Variants in MAP3K4 observed in about 807,000 individuals in gnomAD.
MAP3K4 encodes the protein MAP three kinase 1.
In MAP3K4, 67 loss-of-function variants were observed where a neutral mutation model predicts 185.6. That is an observed-to-expected ratio of 0.36 (90% CI 0.30 to 0.44). The LOEUF (loss-of-function observed/expected upper bound fraction) is 0.44, where lower values mean the gene tolerates loss of function less well. Ranked by LOEUF, MAP3K4 falls within the 20% of genes least tolerant of loss-of-function variation. The pLI, the probability that MAP3K4 is intolerant of heterozygous loss-of-function variation, is 1.00. For missense variants in MAP3K4, 1,551 were observed against 1,995.1 expected (o/e 0.78, Z 4.24); for synonymous variants, 702 against 710.4 (o/e 0.99, Z 0.19).
chr6:161,060,108 T>C (rs1228096063), intron 3 of MAP3K4, among the ~76,000 whole-genome samples: 1 of 152,216 alleles, frequency 6.6e-6, no homozygotes, highest in Non-Finnish European at 1.5e-5. Context: ...GAACATTGCC[T>C]AGATTCCTTA....
rs545695122 is a variant in MAP3K4, at chr6:161,037,576, GC to G, written c.343+3130del. Among the ~76,000 whole-genome samples, 59 of 152,156 alleles carry G rather than the reference GC, an allele frequency of 3.9e-4. 1 individual carries two copies. The highest frequency in any genetic ancestry group is 1.4e-3 in the Admixed American group (22 of 15,290). ...TAGGACTACAGGCATGCGCCACCAT[GC>G]CCGACTAATTTTGTATTTTTGGTAG... On this transcript the variant is annotated intron_variant, in intron 2 of 26. Coordinates refer to ENST00000392142, the MANE Select transcript of MAP3K4 (RefSeq NM_005922.4). This position sits in a 1 kb window ranked among gnomAD's most constrained non-coding sequence, Gnocchi z 4.2.
rs1244916152 is a variant in MAP3K4 at position 161,106,834 on chromosome 6, CTTTTTGCAAAGTGGTCTGGA to C, written c.4048+135_4048+154del. 4 of 645,012 alleles carry C rather than the reference CTTTTTGCAAAGTGGTCTGGA, an allele frequency of 6.2e-6. No individual in the cohort carries two copies. Among genetic ancestry groups the C allele is most frequent in the Non-Finnish European group, 9.4e-6 (4 of 424,788 alleles). 40.0% of individuals were successfully genotyped at this position (645,012 alleles called of 1,614,324 possible). A position where few individuals can be genotyped will look rare whatever the true frequency, so the allele number is the denominator to read the frequency against. On this transcript the variant is annotated intron_variant, in intron 20 of 26. Coordinates refer to ENST00000392142, the MANE Select transcript of MAP3K4 (RefSeq NM_005922.4). This position sits in a 1 kb window ranked among gnomAD's most constrained non-coding sequence, Gnocchi z 4.9. Reference sequence around the variant, plus strand: ...AGACATAGCAAGTATGCATTGTTATCTTTTTGCAAAGTGGTCTGGATTTTTTTTGGTTGTTTAATTTGTAA... The same window carrying C: ...AGACATAGCAAGTATGCATTGTTATCTTTTTTTTGGTTGTTTAATTTGTAA...
In MAP3K4 at chr6:161,064,589, G is replaced by T. The variant is rs186046415; in HGVS notation, c.1708-6019G>T. Among the ~76,000 whole-genome samples the T allele has an allele frequency of 7.9e-5, 12 of 152,114 alleles. No homozygotes were observed. Among genetic ancestry groups the T allele is most frequent in the Admixed American group, 7.9e-4 (12 of 15,286 alleles). On this transcript the variant is annotated intron_variant, in intron 3 of 26. Transcript: ENST00000392142. This position sits in a 1 kb window ranked among gnomAD's most constrained non-coding sequence, Gnocchi z 4.3. ...GTTTGGTATCTTGTAGGACAGTGTT[G>T]CCCATTGTTTCTTTTCAGAAGTTTC...
At chr6:161,033,944 C>T (rs1783042209) in intron 1 of MAP3K4, among the ~76,000 whole-genome samples, 1 of 152,112 alleles carries the variant, frequency 6.6e-6, no homozygotes, top group Admixed American at 6.6e-5. Flanking sequence ...TTCCTTAAGG[C>T]GTAAGTTTTT....
intron 1 of MAP3K4, among the ~76,000 whole-genome samples, chr6:161,004,959 A>G (rs1314593357): frequency 6.6e-6 from 1 of 152,180 alleles, no homozygotes; most frequent in Non-Finnish European, 1.5e-5. Flanking sequence ...ACACGATTTT[A>G]GTTTTGTATC....
In MAP3K4 at chr6:161,103,382, G is replaced by C. The variant is rs928338222; in HGVS notation, c.3856+603G>C. On this transcript the variant is annotated intron_variant, in intron 19 of 26. Coordinates refer to ENST00000392142, the MANE Select transcript of MAP3K4 (RefSeq NM_005922.4). The surrounding 1 kb of genome is among the most constrained non-coding windows in gnomAD (Gnocchi z 4.6). ...CCATGGCAGCTTCCCTTTGAACTTTGTGTGACTGACCAGAAGAGTATTTGT... is the reference window on the plus strand; with the variant it reads ...CCATGGCAGCTTCCCTTTGAACTTTCTGTGACTGACCAGAAGAGTATTTGT... 7.9e-5 allele frequency among the ~76,000 whole-genome samples: 12 copies of C among 152,214 alleles called. No individual in the cohort carries two copies. Among genetic ancestry groups the C allele is most frequent in the African/African-American group, 2.2e-4 (9 of 41,462 alleles).
chr6:161,015,812 G>A (rs983688814), intron 1 of MAP3K4, among the ~76,000 whole-genome samples: 23 of 151,984 alleles, frequency 1.5e-4, no homozygotes, highest in Non-Finnish European at 3.1e-4. Context: ...ATTCATCAGG[G>A]GTCTGCCTCC....
chr6:161,108,486 G>A lies in MAP3K4; in HGVS notation c.4120-257G>A, dbSNP rs528283632. Among the ~76,000 whole-genome samples the A allele has an allele frequency of 2.0e-5, 3 of 152,184 alleles. No homozygotes were observed. The highest frequency in any genetic ancestry group is 2.1e-4 in the South Asian group (1 of 4,816). The stretch of plus-strand genomic sequence containing the variant: ...CGTCTTGCACTTGCCGTGGAGCCGC[G>A]TCCTCCTCCACATGGCGCTCCTCAC... On this transcript the variant is annotated intron_variant, in intron 21 of 26. Coordinates refer to ENST00000392142, the MANE Select transcript of MAP3K4 (RefSeq NM_005922.4). This position sits in a 1 kb window ranked among gnomAD's most constrained non-coding sequence, Gnocchi z 5.7.
Position 161,116,997 on chromosome 6 carries a change from C to A in MAP3K4, c.*127C>A. The A allele has an allele frequency of 1.2e-6, 1 of 835,304 alleles. No homozygotes were observed. The highest frequency in any genetic ancestry group is 1.9e-6 in the Non-Finnish European group (1 of 516,644). The allele number at this position is 835,304 out of a possible 1,614,324, so 51.7% of individuals were successfully genotyped here. The stretch of plus-strand genomic sequence containing the variant: ...CCAAGACTGAAGACTGCACAGGTGA[C>A]AAGCGTCACTTCTCCTGCTGCTCCT... On this transcript the variant is annotated 3_prime_UTR_variant, in exon 27 of 27. Coordinates refer to ENST00000392142, the MANE Select transcript of MAP3K4 (RefSeq NM_005922.4). The surrounding 1 kb of genome is among the most constrained non-coding windows in gnomAD (Gnocchi z 6.2).
At chr6:161,078,360 G>T (rs541263327) in intron 5 of MAP3K4, among the ~76,000 whole-genome samples, 1 of 152,324 alleles carries the variant, frequency 6.6e-6, no homozygotes, top group East Asian at 1.9e-4. Flanking sequence ...GGGGCTGCAG[G>T]GTGCAGGCAG....
rs1777858527 is a variant in MAP3K4, at chr6:161,101,990, A to G, written c.3773A>G (p.Asp1258Gly). ...SRHSSPTEER[D>G]EPAYPRGDSS... The stretch of plus-strand genomic sequence containing the variant: ...CACTCAAGCCCCACGGAGGAGCGAG[A>G]TGGTGAGTGTTTTAAGGTGTTAGCT... The change falls in exon 18 of 27, where the codon GAT becomes GGT. Residue 1258 changes from aspartate (D) to glycine (G), a missense_variant and splice_region_variant. Around this residue, in one of 16 missense-constraint regions of MAP3K4, gnomAD observed 272 missense variants for 301.2 expected, o/e 0.90. Transcript: ENST00000392142. The surrounding 1 kb of genome is among the most constrained non-coding windows in gnomAD (Gnocchi z 5.1). 1.2e-6 allele frequency: 2 copies of G among 1,613,190 alleles called. No individual in the cohort carries two copies. The highest frequency in any genetic ancestry group is 1.1e-5 in the South Asian group (1 of 91,040).
In MAP3K4 at chr6:161,080,688, T is replaced by G; in HGVS notation, c.2098-193T>G. Reference sequence around the variant, plus strand: ...TGTTAAATTGCTGGGGAGTTAGTTTTGTGATTTTTTAAAAAATCCTCATTT... The same window carrying G: ...TGTTAAATTGCTGGGGAGTTAGTTTGGTGATTTTTTAAAAAATCCTCATTT... On this transcript the variant is annotated intron_variant, in intron 5 of 26. Coordinates refer to ENST00000392142, the MANE Select transcript of MAP3K4 (RefSeq NM_005922.4). The surrounding 1 kb of genome is among the most constrained non-coding windows in gnomAD (Gnocchi z 4.8). 1 of 540,430 alleles carries G rather than the reference T, an allele frequency of 1.9e-6. No homozygotes were observed. Among genetic ancestry groups the G allele is most frequent in the Non-Finnish European group, 3.3e-6 (1 of 305,700 alleles). 33.5% of individuals were successfully genotyped at this position (540,430 alleles called of 1,614,324 possible).
At chr6:161,057,462 T>A (rs1784293561) in intron 3 of MAP3K4, among the ~76,000 whole-genome samples, 2 of 152,230 alleles carry the variant, frequency 1.3e-5, no homozygotes, top group Non-Finnish European at 2.9e-5. Context: ...TACCAGACTT[T>A]ATCCTACATG....
rs550775405 is a variant in MAP3K4 at position 161,087,080 on chromosome 6, A to G, written c.2556+413A>G. Among the ~76,000 whole-genome samples the G allele has an allele frequency of 6.6e-6, 1 of 152,186 alleles. No individual in the cohort carries two copies. The highest frequency in any genetic ancestry group is 1.9e-4 in the East Asian group (1 of 5,192). On this transcript the variant is annotated intron_variant, in intron 9 of 26. Coordinates refer to ENST00000392142, the MANE Select transcript of MAP3K4 (RefSeq NM_005922.4). The surrounding 1 kb of genome is among the most constrained non-coding windows in gnomAD (Gnocchi z 4.9). ...ACTAGAGCCACTTTTTGAGTCAGCA[A>G]CTTTACTCCACTTTAAGTTGTTGGA...
At chr6:161,020,582 CG>C (rs1276190346) in intron 1 of MAP3K4, among the ~76,000 whole-genome samples, 12 of 149,472 alleles carry the variant, frequency 8.0e-5, no homozygotes, top group African/African-American at 3.0e-4. Context: ...TACTTGAACC[CG>C]GGGAGTGGAG....
At chr6:161,001,738 T>C (rs1781330156) in intron 1 of MAP3K4, among the ~76,000 whole-genome samples, 1 of 152,214 alleles carries the variant, frequency 6.6e-6, no homozygotes, top group Non-Finnish European at 1.5e-5. Flanking sequence ...AGTAGGATTG[T>C]GGGGAAGTAA....
intron 1 of MAP3K4, among the ~76,000 whole-genome samples, chr6:161,001,872 A>C (rs1041867712): frequency 6.6e-6 from 1 of 152,056 alleles, no homozygotes; most frequent in Non-Finnish European, 1.5e-5. Context: ...GTTTTATTAC[A>C]TTTCTCTTTC....
Position 160,991,885 on chromosome 6 carries a change from G to A in MAP3K4, c.-47G>A, listed in dbSNP as rs1415288451. The A allele has an allele frequency of 5.4e-6, 8 of 1,468,530 alleles. No individual in the cohort carries two copies. Among genetic ancestry groups the A allele is most frequent in the Non-Finnish European group, 4.5e-6 (5 of 1,119,554 alleles). The allele number at this position is 1,468,530 out of a possible 1,614,324, so 91.0% of individuals were successfully genotyped here. A position where few individuals can be genotyped will look rare whatever the true frequency, so the allele number is the denominator to read the frequency against. Reference sequence around the variant, plus strand: ...TTCGGGGCTCCGGTGCCCCGCGCCAGGCTGCAGCTTACTGCCCGCCGCGGC... The same window carrying A: ...TTCGGGGCTCCGGTGCCCCGCGCCAAGCTGCAGCTTACTGCCCGCCGCGGC... On this transcript the variant is annotated 5_prime_UTR_variant, in exon 1 of 27. Coordinates refer to ENST00000392142, the MANE Select transcript of MAP3K4 (RefSeq NM_005922.4). The surrounding 1 kb of genome is among the most constrained non-coding windows in gnomAD (Gnocchi z 5.7).
Position 161,080,997 on chromosome 6 carries a change from T to G in MAP3K4, c.2214T>G (p.His738Gln). 6.2e-7 allele frequency: 1 copy of G among 1,614,164 alleles called. No homozygotes were observed. The highest frequency in any genetic ancestry group is 1.1e-5 in the South Asian group (1 of 91,078). ...GGAATTTCACCAAAGAAATAACTCA[T>G]TACATACGGGGAGGAGAAGCACAGG... ...EEWNFTKEITHYIRGGEAQAG... is the reference protein window; with the variant it reads ...EEWNFTKEITQYIRGGEAQAG... Residue 738 changes from histidine to glutamine, a missense_variant, in exon 6 of 27, where the codon CAT becomes CAG. Coordinates refer to ENST00000392142, the MANE Select transcript of MAP3K4 (RefSeq NM_005922.4). The surrounding 1 kb of genome is among the most constrained non-coding windows in gnomAD (Gnocchi z 4.8).
Sources: allele counts gnomAD v4.1 joint callset (sites outside exome capture counted in the v4.1 genomes callset), GRCh38; gene constraint gnomAD v4.1.1; regional missense constraint gnomAD v4.1.1; non-coding constraint Gnocchi (gnomAD v3.1); transcripts MANE v1.5; gene names NCBI Gene and HGNC (gene_info 2026-07-23, HGNC 2026-07-21).